KLF12: variants seen among roughly 807,000 people sequenced by gnomAD.
The protein encoded by KLF12 is KLF transcription factor 12.
In KLF12, 9 loss-of-function variants were observed where a neutral mutation model predicts 37.8. That is an observed-to-expected ratio of 0.24 (90% CI 0.14 to 0.42). KLF12 has a LOEUF of 0.42. Ranked by LOEUF, KLF12 falls within the 10% of genes least tolerant of loss-of-function variation. The pLI, the probability that KLF12 is intolerant of heterozygous loss-of-function variation, is 1.00. For missense variants in KLF12, 411 were observed against 516.0 expected (o/e 0.80, Z 1.97); for synonymous variants, 208 against 202.1 (o/e 1.03, Z -0.25).
At chr13:73,752,404 T>C (rs917019351) in intron 6 of KLF12, among the ~76,000 whole-genome samples, 2 of 119,486 alleles carry the variant, frequency 1.7e-5, no homozygotes, top group Admixed American at 1.6e-4. Flanking sequence ...TAACATCAAA[T>C]AGACACACCC....
intron 3 of KLF12, among the ~76,000 whole-genome samples, chr13:73,863,789 G>T (rs370066540): frequency 6.6e-6 from 1 of 152,208 alleles, no homozygotes; most frequent in South Asian, 2.1e-4. Context: ...CAAACTTTTG[G>T]TAGGTTTTTT....
intron 1 of KLF12, among the ~76,000 whole-genome samples, chr13:74,054,347 A>T (rs1195527352): frequency 1.3e-5 from 2 of 152,108 alleles, no homozygotes; most frequent in African/African-American, 4.8e-5. Context: ...GAATATAAAA[A>T]AGCCATTAGG....
intron 1 of KLF12, among the ~76,000 whole-genome samples, chr13:74,028,740 G>A (rs2138469558): frequency 6.6e-6 from 1 of 151,980 alleles, no homozygotes; most frequent in South Asian, 2.1e-4. Context: ...AATGCATCTA[G>A]GTGCAGCAGA....
At chr13:74,056,072 G>C (rs572608644) in intron 1 of KLF12, among the ~76,000 whole-genome samples, 1 of 152,244 alleles carries the variant, frequency 6.6e-6, no homozygotes, top group South Asian at 2.1e-4. Flanking sequence ...TGCCAGAAGA[G>C]GAAAGCAGAA....
chr13:73,943,944 C>A, intron 3 of KLF12, 37 bp downstream of exon 3: 1 of 1,278,140 alleles, frequency 7.8e-7, no homozygotes, highest in Admixed American at 1.7e-5. Flanking sequence ...CCACTCTCAT[C>A]AAAAGGAGTG....
At chr13:74,113,025 C>T (rs1328371618) in intron 1 of KLF12, among the ~76,000 whole-genome samples, 1 of 152,132 alleles carries the variant, frequency 6.6e-6, no homozygotes, top group African/African-American at 2.4e-5. Context: ...AAGCTCAAAC[C>T]AGCCACAACA....
the KLF12 span, among the ~76,000 whole-genome samples, chr13:74,287,494 T>C: frequency 6.6e-6 from 1 of 152,196 alleles, no homozygotes; most frequent in Non-Finnish European, 1.5e-5. Flanking sequence ...CCGTATGTTT[T>C]GTTCAAGCAC....
At chr13:74,120,739 CACAA>C (rs938653317) in intron 1 of KLF12, among the ~76,000 whole-genome samples, 4 of 151,786 alleles carry the variant, frequency 2.6e-5, no homozygotes, top group African/African-American at 7.3e-5. Context: ...AAGAAAATAG[CACAA>C]ACAATGAAAG....
chr13:73,932,137 C>T (rs1300660995), intron 3 of KLF12, among the ~76,000 whole-genome samples: 1 of 151,956 alleles, frequency 6.6e-6, no homozygotes, highest in East Asian at 1.9e-4. Context: ...TTATTATCTT[C>T]ATGAATTTAC....
the KLF12 span, among the ~76,000 whole-genome samples, chr13:74,219,542 C>T: frequency 6.6e-6 from 1 of 152,088 alleles, no homozygotes; most frequent in African/African-American, 2.4e-5. Flanking sequence ...AGATACATTC[C>T]TAAGATTGGA....
At chr13:74,130,490 G>T (rs1245207669) in intron 1 of KLF12, among the ~76,000 whole-genome samples, 1 of 151,998 alleles carries the variant, frequency 6.6e-6, no homozygotes, top group Non-Finnish European at 1.5e-5. Flanking sequence ...TTAAGACCCC[G>T]TGTCTACAAA....
chr13:74,221,915 T>C, the KLF12 span, among the ~76,000 whole-genome samples: 1 of 152,190 alleles, frequency 6.6e-6, no homozygotes, highest in South Asian at 2.1e-4. Context: ...CAGTCCATGG[T>C]GCAGCCCTCT....
intron 5 of KLF12, among the ~76,000 whole-genome samples, chr13:73,780,144 C>T (rs1880867147): frequency 6.6e-6 from 1 of 152,198 alleles, no homozygotes; most frequent in African/African-American, 2.4e-5. Flanking sequence ...TCCCACACCA[C>T]ACTCTTAAAC....
At chr13:73,742,712 A>G (rs1878089039) in intron 6 of KLF12, among the ~76,000 whole-genome samples, 2 of 152,194 alleles carry the variant, frequency 1.3e-5, no homozygotes, top group Admixed American at 1.3e-4. Flanking sequence ...GTTTAGGCAG[A>G]TTAAGTAGAT....
rs554897338 is a variant in KLF12 at position 73,916,919 on chromosome 13, A to G, written c.123+27062T>C. Among the ~76,000 whole-genome samples, 5 of 152,342 alleles carry G rather than the reference A, an allele frequency of 3.3e-5. No homozygotes were observed. In the South Asian group the frequency reaches 6.2e-4, roughly 19 times the overall value. On this transcript the variant is annotated intron_variant, in intron 3 of 7. Transcript: ENST00000377669. ...TATTTGTTAACTTCATCTGTCCCCA[A>G]TTAACAGGTAAAAAACATATTCAAA...
chr13:74,196,209 T>C, the KLF12 span, among the ~76,000 whole-genome samples: 1 of 152,162 alleles, frequency 6.6e-6, no homozygotes, highest in Non-Finnish European at 1.5e-5. Flanking sequence ...TCTTGTGTTT[T>C]TTCTCTAACT....
At chr13:74,077,025 T>C (rs1175004121) in intron 1 of KLF12, among the ~76,000 whole-genome samples, 2 of 152,210 alleles carry the variant, frequency 1.3e-5, no homozygotes, top group Non-Finnish European at 2.9e-5. Flanking sequence ...ATGTACCACA[T>C]TTTCCTTATC....
At chr13:74,275,860 TTCTTTC>T in the KLF12 span, among the ~76,000 whole-genome samples, 5 of 117,506 alleles carry the variant, frequency 4.3e-5, no homozygotes, top group African/African-American at 1.7e-4. Flanking sequence ...CTTTCTTTCT[TTCTTTC>T]TATCTTTCTT....
intron 6 of KLF12, among the ~76,000 whole-genome samples, chr13:73,749,254 AAAAAAGAT>A (rs1484004864): frequency 6.6e-6 from 1 of 152,226 alleles, no homozygotes; most frequent in African/African-American, 2.4e-5. Flanking sequence ...ATTAAAAAGA[AAAAAAGAT>A]ATTTATTCTT....
Sources: allele counts gnomAD v4.1 joint callset (sites outside exome capture counted in the v4.1 genomes callset), GRCh38; gene constraint gnomAD v4.1.1; transcripts MANE v1.5; gene names NCBI Gene and HGNC (gene_info 2026-07-23, HGNC 2026-07-21).